SSBP3: variants seen among roughly 807,000 people sequenced by gnomAD.
SSBP3 encodes single-stranded DNA-binding protein 3.
A neutral mutation model predicts 69.6 loss-of-function variants in SSBP3; 5 were observed. The ratio of observed to expected loss-of-function variants is 0.07; its 90% confidence interval spans 0.04 to 0.15. The LOEUF is 0.15. Ranked by LOEUF, SSBP3 falls within the 10% of genes least tolerant of loss-of-function variation. The probability of loss-of-function intolerance (pLI) is 1.00; values close to 1 mark genes in which losing one functional copy is unlikely to be tolerated. For missense variants in SSBP3, 312 were observed against 534.0 expected, an observed-to-expected ratio of 0.58 and a Z score of 4.10; for synonymous variants, 196 against 193.4, an observed-to-expected ratio of 1.01 and a Z score of -0.11.
intron 4 of SSBP3, among the ~76,000 whole-genome samples, chr1:54,306,048 G>A (rs914578557): frequency 2.0e-5 from 3 of 151,732 alleles, no homozygotes; most frequent in African/African-American, 7.3e-5. Flanking sequence ...CCCAGCTGAA[G>A]GTTCTCCCTC....
chr1:54,245,303 C>T (rs1213011681), intron 9 of SSBP3, among the ~76,000 whole-genome samples: 1 of 152,080 alleles, frequency 6.6e-6, no homozygotes. Flanking sequence ...GACTGAAGGT[C>T]TGAGGGAGAA....
At chr1:54,325,185 C>T in intron 4 of SSBP3, among the ~76,000 whole-genome samples, 1 of 152,322 alleles carries the variant, frequency 6.6e-6, no homozygotes, top group East Asian at 1.9e-4. Context: ...CTCATCCCAG[C>T]ACGAGTCACT....
chr1:54,387,272 TAAA>T (rs1648161228), intron 4 of SSBP3, among the ~76,000 whole-genome samples: 1 of 152,096 alleles, frequency 6.6e-6, no homozygotes, highest in Non-Finnish European at 1.5e-5. Context: ...GGGAGACCCT[TAAA>T]AAGAACTCAA....
chr1:54,230,957 C>T (rs1181688128), intron 14 of SSBP3, among the ~76,000 whole-genome samples: 71 of 152,276 alleles, frequency 4.7e-4, no homozygotes, highest in Non-Finnish European at 1.8e-4. Flanking sequence ...ACTATTATGA[C>T]TAATGACACT....
intron 4 of SSBP3, among the ~76,000 whole-genome samples, chr1:54,390,522 GATC>G (rs1425682648): frequency 2.0e-5 from 3 of 152,190 alleles, no homozygotes; most frequent in Non-Finnish European, 2.9e-5. Flanking sequence ...GCACTCTGAT[GATC>G]AAGTTTTCTG....
chr1:54,332,915 C>T (rs1646442964), intron 4 of SSBP3, among the ~76,000 whole-genome samples: 1 of 152,168 alleles, frequency 6.6e-6, no homozygotes, highest in Non-Finnish European at 1.5e-5. Context: ...AGCAAACATG[C>T]ACGCACACAC....
chr1:54,253,212 CAG>C (rs1644863586), intron 7 of SSBP3, among the ~76,000 whole-genome samples: 1 of 124,720 alleles, frequency 8.0e-6, no homozygotes, highest in Middle Eastern at 4.0e-3. Flanking sequence ...TTTTTTAAGA[CAG>C]GGTCGCTTGC....
chr1:54,362,297 A>G (rs1646962693), intron 4 of SSBP3, among the ~76,000 whole-genome samples: 1 of 152,212 alleles, frequency 6.6e-6, no homozygotes, highest in South Asian at 2.1e-4. Context: ...TGCTCAACTA[A>G]GAGCAAATCT....
At chr1:54,332,312 G>A (rs545089047) in intron 4 of SSBP3, among the ~76,000 whole-genome samples, 1 of 152,324 alleles carries the variant, frequency 6.6e-6, no homozygotes, top group Admixed American at 6.5e-5. Flanking sequence ...CTGCAGGAGA[G>A]GCAGCAACAG....
chr1:54,325,341 C>G (rs981041565), intron 4 of SSBP3: 3 of 167,060 alleles, frequency 1.8e-5, no homozygotes, highest in African/African-American at 7.2e-5. Context: ...TCTGATCTCA[C>G]TAGGAAAAGG....
At chr1:54,251,735 G>A (rs1393076205) in intron 8 of SSBP3, 43 bp from the exon 9 acceptor site, 2 of 1,587,434 alleles carry the variant, frequency 1.3e-6, no homozygotes, top group African/African-American at 1.3e-5. Context: ...CAGGAGTGGA[G>A]GGAGGAGGAG....
At chr1:54,404,506 T>C in intron 3 of SSBP3, 70 bp downstream of exon 3, 1 of 1,584,452 alleles carries the variant, frequency 6.3e-7, no homozygotes, top group Non-Finnish European at 8.7e-7. Context: ...CAAGCCTCCC[T>C]TCTTTGTTCA....
At chr1:54,344,166 C>T (rs948038067) in intron 4 of SSBP3, among the ~76,000 whole-genome samples, 14 of 151,362 alleles carry the variant, frequency 9.2e-5, no homozygotes, top group South Asian at 6.3e-4. Flanking sequence ...GGCAGAGAAA[C>T]GTTGAGGAAA....
intron 4 of SSBP3, chr1:54,326,611 G>A (rs996333272): frequency 3.9e-5 from 6 of 152,156 alleles, no homozygotes; most frequent in East Asian, 1.9e-4. Flanking sequence ...ACACACACGC[G>A]AGCCAGGCCT....
At chr1:54,256,717 G>A (rs919311764) in intron 7 of SSBP3, among the ~76,000 whole-genome samples, 2 of 152,096 alleles carry the variant, frequency 1.3e-5, no homozygotes, top group African/African-American at 4.8e-5. Flanking sequence ...TACCAGCCTT[G>A]GCAATTCTCA....
At chr1:54,251,635 G>T (rs965326706) in exon 9 of SSBP3, 1 of 1,551,798 alleles carries the variant, frequency 6.4e-7, no homozygotes, top group Non-Finnish European at 8.7e-7. Context: ...GGGACCCATG[G>T]GCCCCATGCC....
intron 4 of SSBP3, among the ~76,000 whole-genome samples, chr1:54,358,991 A>C (rs974788051): frequency 6.6e-6 from 1 of 152,106 alleles, no homozygotes; most frequent in Admixed American, 6.6e-5. Context: ...TCCCTCTGCC[A>C]ACTCCAGGCG....
chr1:54,234,007 A>G (rs146511130), intron 14 of SSBP3, among the ~76,000 whole-genome samples: 395 of 141,534 alleles, frequency 2.8e-3, no homozygotes, highest in South Asian at 4.6e-3. Context: ...CACTAAGAAA[A>G]ATTCTTCTGC....
intron 4 of SSBP3, among the ~76,000 whole-genome samples, chr1:54,303,342 G>A (rs934325151): frequency 6.6e-5 from 10 of 150,782 alleles, no homozygotes; most frequent in African/African-American, 2.5e-4. Context: ...GCCCTTGTTC[G>A]GGCAGTTTGT....
Sources: gnomAD v4.1 joint callset for allele counts (sites outside exome capture counted in the v4.1 genomes callset) on GRCh38, gnomAD v4.1.1 for gene constraint, MANE v1.5 for transcripts, NCBI Gene and HGNC (gene_info 2026-07-23, HGNC 2026-07-21) for gene names.